Variants in SBNO1 observed in about 807,000 individuals in gnomAD.
SBNO1 encodes protein strawberry notch homolog 1.
SBNO1 carries 23 observed loss-of-function variants against 173.6 expected under a neutral mutation model. The observed-to-expected ratio is 0.13, with a 90% CI of 0.10 to 0.19. The LOEUF (loss-of-function observed/expected upper bound fraction) is 0.19. Ranked by LOEUF, SBNO1 falls within the 10% of genes least tolerant of loss-of-function variation. SBNO1 has a pLI of 1.00. For missense variants in SBNO1, 1,238 were observed against 1,671.2 expected (o/e 0.74, Z 4.52); for synonymous variants, 632 against 571.5 (o/e 1.11, Z -1.51).
intron 29 of SBNO1, among the ~76,000 whole-genome samples, chr12:123,304,141 G>A (rs2048858573): frequency 6.6e-6 from 1 of 152,092 alleles, no homozygotes; most frequent in Admixed American, 6.6e-5. Context: ...ATATGGGCCA[G>A]GCTGGTCTCA....
chr12:123,347,814 C>A (rs1052730034), intron 3 of SBNO1, among the ~76,000 whole-genome samples: 1 of 152,162 alleles, frequency 6.6e-6, no homozygotes, highest in Non-Finnish European at 1.5e-5. Flanking sequence ...GGATTACAGG[C>A]ATGAGCCACT....
chr12:123,303,032 ACTGAAT>A, intron 29 of SBNO1, 132 bp from the exon 30 acceptor site: 1 of 660,884 alleles, frequency 1.5e-6, no homozygotes, highest in African/African-American at 1.8e-5. Flanking sequence ...CTTGCTATTA[ACTGAAT>A]CTGAACGCCA....
Position 123,331,279 on chromosome 12 carries a change from A to G in SBNO1, c.1006T>C (p.Tyr336His), listed in dbSNP as rs753158387. 5.0e-6 allele frequency: 8 copies of G among 1,613,986 alleles called. No individual in the cohort carries two copies. The African/African-American group carries it at 8.0e-5, about 16-fold the overall frequency. ...TTTCTACTCAACAAATAATTTTCAT[A>G]GATGATTCCTGCTATCGTCCTTCCT... is the stretch of plus-strand genomic sequence containing the variant. ...GKGRTIAGII[Y>H]ENYLLSRKRA... The change falls in exon 8 of 32, where the codon TAT becomes CAT. Residue 336 changes from tyrosine (Y) to histidine (H), a missense_variant. Tyr to His is a moderately conservative substitution (Grantham distance 83). Transcript: ENST00000602398.
At chr12:123,364,295 T>G (rs1294713555) in intron 1 of SBNO1, 4 of 985,448 alleles carry the variant, frequency 4.1e-6, no homozygotes, top group Non-Finnish European at 1.2e-6. Context: ...CGGTCCTTAC[T>G]TTCCCCGCGG....
intron 4 of SBNO1, among the ~76,000 whole-genome samples, chr12:123,341,442 T>C (rs1445114758): frequency 2.0e-5 from 3 of 152,122 alleles, no homozygotes; most frequent in Non-Finnish European, 2.9e-5. Flanking sequence ...AACAAGACTT[T>C]GTCTAAAAAA....
chr12:123,345,194 TA>T, intron 4 of SBNO1, 63 bp downstream of exon 4: 3 of 1,395,810 alleles, frequency 2.1e-6, no homozygotes, highest in South Asian at 2.6e-5. Context: ...GCAAATCGTT[TA>T]AAAAAACATG....
chr12:123,334,763 TA>T (rs372567082), intron 6 of SBNO1, among the ~76,000 whole-genome samples: 249 of 143,082 alleles, frequency 1.7e-3, no homozygotes, highest in Non-Finnish European at 2.8e-3. Flanking sequence ...GATTTGCTGA[TA>T]AAAAAAAGAT....
intron 29 of SBNO1, among the ~76,000 whole-genome samples, chr12:123,303,838 AAAAG>A (rs141625921): frequency 0.047 from 7,057 of 151,732 alleles, 295 homozygotes; most frequent in East Asian, 0.25. Context: ...CATTTAAAAA[AAAAG>A]AAAGAAAGAA....
intron 30 of SBNO1, among the ~76,000 whole-genome samples, chr12:123,299,885 C>T (rs2048729712): frequency 6.6e-6 from 1 of 151,766 alleles, no homozygotes; most frequent in Non-Finnish European, 1.5e-5. Flanking sequence ...ACAAGCAATA[C>T]CTGTGAAAAG....
intron 5 of SBNO1, among the ~76,000 whole-genome samples, chr12:123,338,189 G>A (rs747765481): frequency 3.9e-5 from 6 of 152,296 alleles, no homozygotes; most frequent in Middle Eastern, 3.4e-3. Context: ...CAAAATAACC[G>A]GGAAATCAGG....
At chr12:123,363,139 G>T (rs897866034) in intron 1 of SBNO1, among the ~76,000 whole-genome samples, 18 of 152,088 alleles carry the variant, frequency 1.2e-4, no homozygotes, top group Admixed American at 3.9e-4. Context: ...GAATAAGTTG[G>T]AATGGAAGAT....
intron 1 of SBNO1, among the ~76,000 whole-genome samples, chr12:123,362,805 GCC>G (rs1456912195): frequency 6.7e-6 from 1 of 149,896 alleles, no homozygotes; most frequent in Non-Finnish European, 1.5e-5. Flanking sequence ...TTCTGAAGGG[GCC>G]AGGCACAATG....
At position 123,356,316 on chromosome 12, in the gene SBNO1, T is replaced by C. The variant is rs1231182293; in HGVS notation, c.1-5875A>G. ...CTAGCTAGCTACTATCATTTATATA[T>C]ATGTTAGTATTTCATCCAAAAAAGA... is the stretch of plus-strand genomic sequence containing the variant. On this transcript the variant is annotated intron_variant, in intron 1 of 31. Coordinates refer to ENST00000602398, the MANE Select transcript of SBNO1 (RefSeq NM_001167856.3). Among the ~76,000 whole-genome samples, 6 of 152,332 alleles carry C rather than the reference T, an allele frequency of 3.9e-5. No individual in the cohort carries two copies. The East Asian group carries it at 1.2e-3, about 29-fold the overall frequency.
Position 123,309,694 on chromosome 12 carries a change from A to G in SBNO1, c.3442+16T>C, listed in dbSNP as rs1001223814. The G allele has an allele frequency of 1.2e-6, 2 of 1,610,518 alleles. No homozygotes were observed. Among genetic ancestry groups the G allele is most frequent in the Non-Finnish European group, 1.7e-6 (2 of 1,178,444 alleles). ...TTCCCTGGGGACATTGTGGGGGGGA[A>G]ATTTTCCCTACTTACCTAAGATTCC... On this transcript the variant is annotated intron_variant, in intron 26 of 31. Transcript: ENST00000602398.
At chr12:123,351,973 G>A (rs1268009681) in intron 1 of SBNO1, among the ~76,000 whole-genome samples, 2 of 152,056 alleles carry the variant, frequency 1.3e-5, no homozygotes, top group African/African-American at 2.4e-5. Flanking sequence ...GGAGTTTGCC[G>A]GGGTGGGGGG....
chr12:123,321,470 T>A, intron 17 of SBNO1, 65 bp downstream of exon 17: 1 of 1,167,170 alleles, frequency 8.6e-7, no homozygotes. Flanking sequence ...AAAGGTTTCA[T>A]ATCCCATTTT....
In SBNO1 at chr12:123,294,005, G is replaced by C. The variant is rs991844445; in HGVS notation, c.*1903C>G. The C allele has an allele frequency of 6.6e-6, 1 of 152,276 alleles. No individual in the cohort carries two copies. Among genetic ancestry groups the C allele is most frequent in the African/African-American group, 2.4e-5 (1 of 41,448 alleles). The allele number at this position is 152,276 out of a possible 1,614,324, so 9.4% of individuals were successfully genotyped here. A position where few individuals can be genotyped will look rare whatever the true frequency, so the allele number is the denominator to read the frequency against. Reference sequence around the variant, plus strand: ...GCTGAGAAGTTCTGCTGAAGGTGGGGAGAGTGCTGCTCTTGGCTGCCAGCC... The same window carrying C: ...GCTGAGAAGTTCTGCTGAAGGTGGGCAGAGTGCTGCTCTTGGCTGCCAGCC... On this transcript the variant is annotated 3_prime_UTR_variant, in exon 32 of 32. Transcript: ENST00000602398.
rs1471631509 is a variant in SBNO1 at position 123,294,820 on chromosome 12, G to A, written c.*1088C>T. On this transcript the variant is annotated 3_prime_UTR_variant, in exon 32 of 32. Coordinates refer to ENST00000602398, the MANE Select transcript of SBNO1 (RefSeq NM_001167856.3). ...TACATTACCATTTTTAACAGCTTGA[G>A]ATAAACTCTACGTCTTACAACACAT... 6.5e-6 allele frequency: 1 copy of A among 152,752 alleles called. No homozygotes were observed. Among genetic ancestry groups the A allele is most frequent in the Non-Finnish European group, 1.5e-5 (1 of 68,560 alleles). 9.5% of individuals were successfully genotyped at this position (152,752 alleles called of 1,614,324 possible). A position where few individuals can be genotyped will look rare whatever the true frequency, so the allele number is the denominator to read the frequency against.
intron 30 of SBNO1, among the ~76,000 whole-genome samples, chr12:123,300,246 A>C (rs1430499157): frequency 1.3e-5 from 2 of 152,176 alleles, no homozygotes; most frequent in Non-Finnish European, 2.9e-5. Flanking sequence ...TTTTTTGTAG[A>C]GATGGAGTCT....
Sources: allele counts gnomAD v4.1 joint callset (sites outside exome capture counted in the v4.1 genomes callset), GRCh38; gene constraint gnomAD v4.1.1; transcripts MANE v1.5; gene names NCBI Gene and HGNC (gene_info 2026-07-23, HGNC 2026-07-21).